ADAMTS19: variants seen among roughly 807,000 people sequenced by gnomAD.
ADAMTS19 encodes ADAM metallopeptidase with thrombospondin type 1 motif 19, also known as A disintegrin and metalloproteinase with thrombospondin motifs 19.
ADAMTS19 carries 93 observed loss-of-function variants against 153.3 expected under a neutral mutation model. The ratio of observed to expected loss-of-function variants is 0.61; its 90% CI spans 0.51 to 0.72. The LOEUF is 0.72. Among genes scored for constraint, ADAMTS19 ranks in the 30% least tolerant of loss-of-function variants. ADAMTS19 has a pLI of 0.00. For synonymous variants in ADAMTS19, 600 were observed against 556.6 expected, an observed-to-expected ratio of 1.08 and a Z score of -1.10; for missense variants, 1,482 against 1,552.1, an observed-to-expected ratio of 0.95 and a Z score of 0.76.
chr5:129,718,271 C>T (rs1756820555), intron 21 of ADAMTS19, among the ~76,000 whole-genome samples: 2 of 152,116 alleles, frequency 1.3e-5, no homozygotes, highest in Non-Finnish European at 2.9e-5. Context: ...TTTTGTCACA[C>T]ACATTTCCTT....
chr5:129,531,181 T>C (rs2126774325), intron 6 of ADAMTS19, among the ~76,000 whole-genome samples: 1 of 152,336 alleles, frequency 6.6e-6, no homozygotes, highest in South Asian at 2.1e-4. Context: ...TATTATTAAA[T>C]GTCAGTTTTC....
At chr5:129,477,615 G>A (rs1750268064) in intron 2 of ADAMTS19, among the ~76,000 whole-genome samples, 1 of 152,144 alleles carries the variant, frequency 6.6e-6, no homozygotes, top group Non-Finnish European at 1.5e-5. Context: ...ACATTAATAT[G>A]GTTTAAAAGG....
chr5:129,490,047 A>T (rs957673484), intron 2 of ADAMTS19, among the ~76,000 whole-genome samples: 5 of 152,200 alleles, frequency 3.3e-5, no homozygotes, highest in Non-Finnish European at 5.9e-5. Flanking sequence ...AACCCAAGTA[A>T]TATTGTACTC....
At chr5:129,614,681 G>C (rs1751419527) in intron 8 of ADAMTS19, among the ~76,000 whole-genome samples, 1 of 152,002 alleles carries the variant, frequency 6.6e-6, no homozygotes. Context: ...GGAAGTTCTG[G>C]CCAGGGCAAT....
Position 129,464,332 on chromosome 5 carries a change from G to A in ADAMTS19, c.747+2575G>A, listed in dbSNP as rs73787505. On this transcript the variant is annotated intron_variant, in intron 2 of 22. Transcript: ENST00000274487. ...TTCTGTGATCCTGTAATTCTAATGT[G>A]AGGAATTATGATGCCTTTATATAGA... Among the ~76,000 whole-genome samples the A allele has an allele frequency of 2.9e-3, 437 of 152,268 alleles. 2 individuals are homozygous for A. Among genetic ancestry groups the A allele is most frequent in the African/African-American group, 9.8e-3 (409 of 41,558 alleles).
chr5:129,517,957 A>G (rs752181514), intron 3 of ADAMTS19, among the ~76,000 whole-genome samples: 2 of 151,942 alleles, frequency 1.3e-5, no homozygotes, highest in Non-Finnish European at 2.9e-5. Flanking sequence ...TGTATTCACC[A>G]TATGTTTTTG....
chr5:129,582,091 G>C (rs1485146719), intron 7 of ADAMTS19, among the ~76,000 whole-genome samples: 1 of 151,458 alleles, frequency 6.6e-6, no homozygotes, highest in African/African-American at 2.4e-5. Context: ...TTTGGATGTA[G>C]AGTTGTGTAG....
chr5:129,736,588 C>G (rs1481324711), intron 22 of ADAMTS19, among the ~76,000 whole-genome samples: 1 of 151,986 alleles, frequency 6.6e-6, no homozygotes, highest in Non-Finnish European at 1.5e-5. Context: ...CCAGGTAATC[C>G]ATTTAGATGT....
intron 8 of ADAMTS19, among the ~76,000 whole-genome samples, chr5:129,613,700 G>A (rs1751351796): frequency 6.6e-6 from 1 of 152,108 alleles, no homozygotes; most frequent in Non-Finnish European, 1.5e-5. Flanking sequence ...CAGAACTGAA[G>A]GAAATAGGGA....
At chr5:129,525,116 A>G (rs1751962148) in intron 3 of ADAMTS19, among the ~76,000 whole-genome samples, 1 of 152,004 alleles carries the variant, frequency 6.6e-6, no homozygotes, top group Non-Finnish European at 1.5e-5. Context: ...AAATAGTGCC[A>G]CTCTGAGTAG....
intron 2 of ADAMTS19, among the ~76,000 whole-genome samples, chr5:129,483,777 T>A (rs1750498654): frequency 6.6e-6 from 1 of 152,178 alleles, no homozygotes; most frequent in Admixed American, 6.6e-5. Context: ...GGCTTTTAGG[T>A]TTGTGTCATT....
At chr5:129,687,209 C>T (rs1170880406) in intron 18 of ADAMTS19, among the ~76,000 whole-genome samples, 3 of 152,174 alleles carry the variant, frequency 2.0e-5, no homozygotes, top group East Asian at 1.9e-4. Context: ...TACCAACAAG[C>T]GCCCATCTTG....
chr5:129,601,110 A>G (rs974943370), intron 8 of ADAMTS19, among the ~76,000 whole-genome samples: 1 of 152,048 alleles, frequency 6.6e-6, no homozygotes, highest in East Asian at 1.9e-4. Flanking sequence ...TGACCTCGTG[A>G]TCCGCCCGCC....
intron 10 of ADAMTS19, among the ~76,000 whole-genome samples, chr5:129,631,863 ATTTAGG>A (rs1370679660): frequency 9.9e-5 from 15 of 152,090 alleles, no homozygotes; most frequent in African/African-American, 3.1e-4. Flanking sequence ...ATGTGTTTGA[ATTTAGG>A]TCTAGATTTT....
At chr5:129,573,840 G>A in intron 7 of ADAMTS19, among the ~76,000 whole-genome samples, 1 of 150,758 alleles carries the variant, frequency 6.6e-6, no homozygotes, top group East Asian at 1.9e-4. Context: ...AAAATGTTTT[G>A]ATGGTGCTAT....
At position 129,551,919 on chromosome 5, in the gene ADAMTS19, A is replaced by C; in HGVS notation, c.1372+12A>C. 6.4e-7 allele frequency: 1 copy of C among 1,552,816 alleles called. No individual in the cohort carries two copies. The highest frequency in any genetic ancestry group is 8.7e-7 in the Non-Finnish European group (1 of 1,149,688). On this transcript the variant is annotated intron_variant, in intron 7 of 22. Transcript: ENST00000274487. The stretch of plus-strand genomic sequence containing the variant: ...ATGTGATACTGTTGGTAAGTGTGAA[A>C]ATTCTCACACTTTTGGAGTTCTGGA...
intron 8 of ADAMTS19, among the ~76,000 whole-genome samples, chr5:129,597,376 T>C (rs889564469): frequency 2.0e-5 from 3 of 152,162 alleles, no homozygotes; most frequent in African/African-American, 4.8e-5. Flanking sequence ...ACCCATTTTA[T>C]TGGAAAAATA....
chr5:129,509,442 T>G (rs2126725984), intron 3 of ADAMTS19, among the ~76,000 whole-genome samples, 200 bp downstream of exon 3: 1 of 152,108 alleles, frequency 6.6e-6, no homozygotes, highest in South Asian at 2.1e-4. Flanking sequence ...AAAGTAGAAC[T>G]CAAAAGGACT....
intron 7 of ADAMTS19, among the ~76,000 whole-genome samples, chr5:129,589,651 G>A (rs1022413338): frequency 6.6e-6 from 1 of 152,090 alleles, no homozygotes; most frequent in African/African-American, 2.4e-5. Flanking sequence ...CCCAGTAAAT[G>A]TGAACTTCAA....
Sources: gnomAD v4.1 joint callset for allele counts (sites outside exome capture counted in the v4.1 genomes callset) on GRCh38, gnomAD v4.1.1 for gene constraint, MANE v1.5 for transcripts, NCBI Gene and HGNC (gene_info 2026-07-23, HGNC 2026-07-21) for gene names.